Variants in GDAP2 observed in about 807,000 individuals in gnomAD.
GDAP2 encodes ganglioside induced differentiation associated protein 2, also known as ganglioside-induced differentiation-associated protein 2.
A neutral mutation model predicts 67.0 loss-of-function variants in GDAP2; 51 were observed. The ratio of observed to expected loss-of-function variants is 0.76; its 90% CI spans 0.61 to 0.96. The LOEUF (loss-of-function observed/expected upper bound fraction) is 0.96, where lower values mean the gene tolerates loss of function less well. Ranked by LOEUF, GDAP2 falls within the 40% of genes least tolerant of loss-of-function variation. GDAP2 has a pLI of 0.00. For missense variants in GDAP2, 547 were observed against 588.3 expected (o/e 0.93, Z 0.73); for synonymous variants, 203 against 207.3 (o/e 0.98, Z 0.18).
At chr1:117,897,532 C>T (rs1051814996) in intron 7 of GDAP2, among the ~76,000 whole-genome samples, 1 of 152,166 alleles carries the variant, frequency 6.6e-6, no homozygotes, top group Non-Finnish European at 1.5e-5. Flanking sequence ...TCATACCAAC[C>T]TAGTTATTTT....
chr1:117,922,997 T>A (rs949117961), intron 1 of GDAP2, among the ~76,000 whole-genome samples: 23 of 152,180 alleles, frequency 1.5e-4, no homozygotes, highest in African/African-American at 4.8e-4. Flanking sequence ...CCCAGGGCTG[T>A]TAATTATTAA....
chr1:117,885,098 T>G (rs1011077215), intron 10 of GDAP2, among the ~76,000 whole-genome samples: 2 of 152,178 alleles, frequency 1.3e-5, no homozygotes. Flanking sequence ...GCTCAAGCGA[T>G]CTGCCTGCCT....
chr1:117,867,065 C>T lies in GDAP2; in HGVS notation c.*3504G>A, dbSNP rs1648092493. 6.6e-6 allele frequency: 1 copy of T among 152,092 alleles called. No homozygotes were observed. Among genetic ancestry groups the T allele is most frequent in the African/African-American group, 2.4e-5 (1 of 41,422 alleles). 9.4% of individuals were successfully genotyped at this position (152,092 alleles called of 1,614,324 possible). ...AAGCAATTTAAACTCTATATACATA[C>T]ATACTGTCAATGTATCGGGGAAATA... On this transcript the variant is annotated 3_prime_UTR_variant, in exon 14 of 14. Transcript: ENST00000369443.
intron 1 of GDAP2, among the ~76,000 whole-genome samples, chr1:117,925,109 A>G (rs1314987980): frequency 1.3e-5 from 2 of 152,192 alleles, no homozygotes; most frequent in Non-Finnish European, 2.9e-5. Context: ...CTTTTTTAAG[A>G]TAACTTTTCT....
At chr1:117,903,252 C>T (rs1057390970) in intron 6 of GDAP2, among the ~76,000 whole-genome samples, 20 of 151,904 alleles carry the variant, frequency 1.3e-4, no homozygotes, top group Non-Finnish European at 2.6e-4. Flanking sequence ...CTTTTCAATT[C>T]GGGTGCTTTT....
intron 3 of GDAP2, among the ~76,000 whole-genome samples, chr1:117,915,687 C>T (rs1444539497): frequency 6.6e-6 from 1 of 152,142 alleles, no homozygotes; most frequent in Admixed American, 6.5e-5. Context: ...ATACAACAAA[C>T]AAACCTCACA....
At chr1:117,915,058 G>A (rs1650001954) in intron 3 of GDAP2, among the ~76,000 whole-genome samples, 1 of 151,978 alleles carries the variant, frequency 6.6e-6, no homozygotes, top group Non-Finnish European at 1.5e-5. Context: ...AGGGACCTTG[G>A]CAAGAAAAAA....
chr1:117,908,593 C>A (rs1238144064), intron 5 of GDAP2, among the ~76,000 whole-genome samples: 1 of 152,030 alleles, frequency 6.6e-6, no homozygotes, highest in Non-Finnish European at 1.5e-5. Flanking sequence ...GAGGTGAGGG[C>A]AAGACGATTA....
At chr1:117,895,531 G>A (rs2101135185) in intron 8 of GDAP2, among the ~76,000 whole-genome samples, 1 of 152,224 alleles carries the variant, frequency 6.6e-6, no homozygotes, top group Admixed American at 6.5e-5. Context: ...TTTTAAGAGT[G>A]CAAAGGAGAC....
chr1:117,912,448 A>C, intron 4 of GDAP2, 82 bp downstream of exon 4: 1 of 1,253,552 alleles, frequency 8.0e-7, no homozygotes, highest in South Asian at 1.5e-5. Flanking sequence ...TTTAATCTTT[A>C]AAAACTGGGG....
intron 5 of GDAP2, among the ~76,000 whole-genome samples, chr1:117,910,472 T>C (rs1464874037): frequency 6.6e-6 from 1 of 152,172 alleles, no homozygotes; most frequent in East Asian, 1.9e-4. Flanking sequence ...TATAAAATCC[T>C]TGAGCAGTTA....
chr1:117,889,427 G>A (rs564210575), intron 8 of GDAP2, among the ~76,000 whole-genome samples: 5 of 151,484 alleles, frequency 3.3e-5, no homozygotes, highest in East Asian at 1.9e-4. Flanking sequence ...TATTCCTCTC[G>A]TCTAACTGAA....
At chr1:117,915,198 T>C (rs930624275) in intron 3 of GDAP2, among the ~76,000 whole-genome samples, 3 of 152,164 alleles carry the variant, frequency 2.0e-5, no homozygotes, top group Non-Finnish European at 2.9e-5. Context: ...CTATGAAATA[T>C]TTTAGGCAAA....
chr1:117,893,002 C>T lies in GDAP2; in HGVS notation c.953+3831G>A, dbSNP rs572360008. Among the ~76,000 whole-genome samples, 8 of 152,244 alleles carry T rather than the reference C, an allele frequency of 5.3e-5. No homozygotes were observed. In the East Asian group the frequency reaches 1.3e-3, roughly 26 times the overall value. On this transcript the variant is annotated intron_variant, in intron 8 of 13. Transcript: ENST00000369443. The stretch of plus-strand genomic sequence containing the variant: ...ATACTAATTAGTTTAACATTTTTCT[C>T]CTCTGCAAGACCCTAAGCTCCATGC...
At chr1:117,908,348 T>G (rs1009507377) in intron 5 of GDAP2, among the ~76,000 whole-genome samples, 1 of 152,126 alleles carries the variant, frequency 6.6e-6, no homozygotes, top group Non-Finnish European at 1.5e-5. Flanking sequence ...AATTAACAAT[T>G]TATGGCTCAG....
chr1:117,877,120 C>CA (rs1193919428), intron 13 of GDAP2: 2 of 179,686 alleles, frequency 1.1e-5, no homozygotes, highest in Non-Finnish European at 2.1e-5. Flanking sequence ...GTATAACAGC[C>CA]AAATATGAAA....
chr1:117,894,627 G>C (rs566143869), intron 8 of GDAP2, among the ~76,000 whole-genome samples: 1 of 152,266 alleles, frequency 6.6e-6, no homozygotes, highest in East Asian at 1.9e-4. Flanking sequence ...GAAGTGTGAA[G>C]TTGCCTTGAA....
chr1:117,883,435 T>C, intron 11 of GDAP2, 53 bp downstream of exon 11: 1 of 1,356,902 alleles, frequency 7.4e-7, no homozygotes, highest in Non-Finnish European at 1.0e-6. Context: ...CACTGCTTAA[T>C]ATTAGAAAAG....
chr1:117,877,361 A>G (rs754667826), intron 13 of GDAP2: 8 of 983,918 alleles, frequency 8.1e-6, no homozygotes, highest in Non-Finnish European at 8.4e-6. Context: ...CAACAGTTAA[A>G]CAATCAGCTT....
Sources: gnomAD v4.1 joint callset for allele counts (sites outside exome capture counted in the v4.1 genomes callset) on GRCh38, gnomAD v4.1.1 for gene constraint, MANE v1.5 for transcripts, NCBI Gene and HGNC (gene_info 2026-07-23, HGNC 2026-07-21) for gene names.